Variants in VWDE observed in about 807,000 individuals in gnomAD.
The protein encoded by VWDE is von Willebrand factor D and EGF domains.
A neutral mutation model predicts 178.4 loss-of-function variants in VWDE; 207 were observed. That is an observed-to-expected ratio of 1.16 (90% confidence interval 1.04 to 1.30). The LOEUF is 1.30. Among genes scored for constraint, VWDE ranks in the 50% most tolerant of loss-of-function variants. The pLI is 0.00. For missense variants in VWDE, 2,287 were observed against 1,901.3 expected (o/e 1.20, Z -3.77); for synonymous variants, 738 against 651.4 (o/e 1.13, Z -2.02).
chr7:12,363,425 C>G (rs1296398467), intron 13 of VWDE, among the ~76,000 whole-genome samples: 1 of 151,930 alleles, frequency 6.6e-6, no homozygotes, highest in African/African-American at 2.4e-5. Context: ...GTATTTAATC[C>G]TATAAATCAG....
intron 18 of VWDE, chr7:12,354,491 T>C (rs1782116911): frequency 2.7e-6 from 1 of 371,920 alleles, no homozygotes; most frequent in African/African-American, 2.2e-5. Flanking sequence ...TTTTTGCCTG[T>C]ATAAAATATA....
In VWDE at chr7:12,341,733, T is replaced by C. The variant is rs182097293; in HGVS notation, c.4270+326A>G. Among the ~76,000 whole-genome samples the C allele has an allele frequency of 2.1e-3, 318 of 152,306 alleles. 3 individuals carry two copies. Among genetic ancestry groups the C allele is most frequent in the African/African-American group, 7.1e-3 (295 of 41,562 alleles). On this transcript the variant is annotated intron_variant, in intron 23 of 28. Coordinates refer to ENST00000275358, the MANE Select transcript of VWDE (RefSeq NM_001135924.3). ...TAGATATTTAATGAAATAGGATGTT[T>C]GTATTGCGATGAAAAACTTAAAAGA... is the stretch of plus-strand genomic sequence containing the variant.
At chr7:12,393,844 T>G in intron 1 of VWDE, 66 bp from the exon 2 acceptor site, 1 of 1,333,708 alleles carries the variant, frequency 7.5e-7, no homozygotes, top group South Asian at 1.8e-5. Context: ...CGGTCCTCAA[T>G]TAAAATTGAT....
In VWDE at chr7:12,389,176, A is replaced by G. The variant is rs1342641996; in HGVS notation, c.426T>C (p.Ser142=). The part of the protein sequence containing the change: ...PVSVRNCGNF[S]VYLLQPTQGC... ...CCTGAGTTGGTTGTAGTAAGTATAC[A>G]GAAAAGTTCCCACAGTTTCTTACAG... The change falls in exon 3 of 29, where the codon TCT becomes TCC. Residue 142 remains serine (S), a synonymous_variant. Coordinates refer to ENST00000275358, the MANE Select transcript of VWDE (RefSeq NM_001135924.3). 2 of 1,551,980 alleles carry G rather than the reference A, an allele frequency of 1.3e-6. No individual in the cohort carries two copies. The highest frequency in any genetic ancestry group is 1.7e-4 in the Middle Eastern group (1 of 6,018).
chr7:12,386,678 C>G (rs952130426), intron 3 of VWDE, among the ~76,000 whole-genome samples: 3 of 152,322 alleles, frequency 2.0e-5, no homozygotes, highest in Middle Eastern at 3.4e-3. Context: ...ACCTCCAGCT[C>G]TCAGCATCAG....
rs754616250 is a variant in VWDE, at chr7:12,369,510, A to G, written c.2761+35T>C. ...AAACACATTTTTATAATGAAATATC[A>G]CATGCAATATCAAACTTTGAGAGTA... On this transcript the variant is annotated intron_variant, in intron 12 of 28. Transcript: ENST00000275358. 144 of 1,479,176 alleles carry G rather than the reference A, an allele frequency of 9.7e-5. 1 individual carries two copies. In the South Asian group the frequency reaches 2.0e-3, roughly 21 times the overall value. 91.6% of individuals were successfully genotyped at this position (1,479,176 alleles called of 1,614,324 possible).
At position 12,369,905 on chromosome 7, in the gene VWDE, G is replaced by A. The variant is rs766591010; in HGVS notation, c.2401C>T (p.Leu801Phe). Reference sequence around the variant, plus strand: ...AGGGTCAAGGTGCTATACTCGGTGAGGCCAGAGGGAGTGGGCCAAGAGGGG... The same window carrying A: ...AGGGTCAAGGTGCTATACTCGGTGAAGCCAGAGGGAGTGGGCCAAGAGGGG... ...FFPSWPTPSG[L>F]TEYSTLTLCQ... is the part of the protein sequence containing the mutation. The change falls in exon 12 of 29, where the codon CTC (leucine) becomes TTC (phenylalanine). Residue 801 changes from leucine (L) to phenylalanine (F), a missense_variant. Physicochemically the swap from Leu to Phe is conservative, Grantham distance 22 (BLOSUM62 0). Transcript: ENST00000275358. The A allele has an allele frequency of 4.5e-5, 70 of 1,551,492 alleles. No individual in the cohort carries two copies. Among genetic ancestry groups the A allele is most frequent in the Non-Finnish European group, 6.0e-5 (69 of 1,146,892 alleles).
intron 1 of VWDE, among the ~76,000 whole-genome samples, chr7:12,395,313 A>G (rs1432802314): frequency 6.6e-6 from 1 of 152,190 alleles, no homozygotes; most frequent in Non-Finnish European, 1.5e-5. Context: ...ATCTTTTAAA[A>G]AAGAGACTTT....
intron 2 of VWDE, among the ~76,000 whole-genome samples, chr7:12,392,808 C>CAAAAA (rs201563504): frequency 3.0e-5 from 4 of 132,178 alleles, no homozygotes; most frequent in Non-Finnish European, 5.0e-5. Context: ...AGTTAAGTTG[C>CAAAAA]AAAAAAAAAA....
intron 28 of VWDE, 116 bp from the exon 29 acceptor site, chr7:12,331,313 G>A (rs1780709701): frequency 5.1e-6 from 4 of 777,102 alleles, no homozygotes; most frequent in South Asian, 3.8e-5. Context: ...TTTTGGTTCT[G>A]TTTGCCACTA....
At chr7:12,333,347 A>G (rs1023355593) in intron 28 of VWDE, 118 bp downstream of exon 28, 3 of 689,814 alleles carry the variant, frequency 4.3e-6, no homozygotes, top group Non-Finnish European at 7.0e-6. Context: ...AGAGGCAAAT[A>G]AATGCTTTTT....
chr7:12,366,857 G>A (rs991834547), intron 13 of VWDE, among the ~76,000 whole-genome samples: 4 of 151,974 alleles, frequency 2.6e-5, no homozygotes, highest in African/African-American at 9.7e-5. Context: ...ATATACTAAC[G>A]TTCAAACTGA....
At chr7:12,358,138 A>C (rs898268982) in intron 16 of VWDE, among the ~76,000 whole-genome samples, 1 of 152,174 alleles carries the variant, frequency 6.6e-6, no homozygotes, top group Non-Finnish European at 1.5e-5. Flanking sequence ...GTACTTTGGG[A>C]AGCCAAGGCA....
chr7:12,375,277 C>A, intron 7 of VWDE, 50 bp from the exon 8 acceptor site: 1 of 1,228,392 alleles, frequency 8.1e-7, no homozygotes, highest in South Asian at 1.4e-5. Context: ...ATATACTAAC[C>A]AAAGCATGTA....
intron 23 of VWDE, 102 bp downstream of exon 23, chr7:12,341,957 T>C: frequency 9.8e-6 from 8 of 818,502 alleles, no homozygotes; most frequent in East Asian, 2.7e-5. Flanking sequence ...TATCTACCTG[T>C]CTTGTCAGGT....
At chr7:12,396,108 A>C (rs980743750) in intron 1 of VWDE, among the ~76,000 whole-genome samples, 1 of 152,220 alleles carries the variant, frequency 6.6e-6, no homozygotes, top group Non-Finnish European at 1.5e-5. Context: ...ATACTTTGGA[A>C]GAATGTGTCA....
chr7:12,376,034 C>G (rs1583325578), intron 7 of VWDE, among the ~76,000 whole-genome samples: 1 of 152,040 alleles, frequency 6.6e-6, no homozygotes, highest in Admixed American at 6.6e-5. Context: ...GTTCTATCTT[C>G]TTTTCTTCCA....
chr7:12,402,872 T>A (rs76065525), intron 1 of VWDE, among the ~76,000 whole-genome samples: 30 of 152,256 alleles, frequency 2.0e-4, no homozygotes, highest in African/African-American at 7.0e-4. Context: ...ATGTTGTACA[T>A]AATGTTTTTT....
In VWDE at chr7:12,337,010, C is replaced by G. The variant is rs1206468396; in HGVS notation, c.4536G>C (p.Trp1512Cys). The G allele has an allele frequency of 6.4e-7, 1 of 1,551,260 alleles. No individual in the cohort carries two copies. Among genetic ancestry groups the G allele is most frequent in the African/African-American group, 1.4e-5 (1 of 73,044 alleles). Residue 1512 changes from tryptophan (W) to cysteine (C), a missense_variant, in exon 26 of 29, where the codon TGG becomes TGC. By Grantham distance (215) the Trp-to-Cys change is radical. Transcript: ENST00000275358. ...TACGTGTGTTGCATCGTTTCCCACT[C>G]CAACCAGAAGGACAAGAGCAAGTGC... ...GPSTCSCPSG[W>C]SGKRCNTPIC...
Sources: gnomAD v4.1 joint callset for allele counts (sites outside exome capture counted in the v4.1 genomes callset) on GRCh38, gnomAD v4.1.1 for gene constraint, MANE v1.5 for transcripts, NCBI Gene and HGNC (gene_info 2026-07-23, HGNC 2026-07-21) for gene names.